Variants in RORA observed in about 807,000 individuals in gnomAD.
RORA encodes the protein RAR related orphan receptor A.
RORA carries 7 observed loss-of-function variants against 69.5 expected under a neutral mutation model. The observed-to-expected ratio is 0.10, with a 90% CI of 0.06 to 0.19. RORA has a LOEUF of 0.19. Among genes scored for constraint, RORA ranks in the 10% least tolerant of loss-of-function variants. The pLI, the probability that RORA is intolerant of heterozygous loss-of-function variation, is 1.00. For synonymous variants in RORA, 261 were observed against 240.8 expected, an observed-to-expected ratio of 1.08 and a Z score of -0.78; for missense variants, 457 against 663.0, an observed-to-expected ratio of 0.69 and a Z score of 3.41.
intron 2 of RORA, among the ~76,000 whole-genome samples, chr15:60,612,099 T>G (rs1227383949): frequency 1.3e-5 from 2 of 152,184 alleles, no homozygotes; most frequent in Non-Finnish European, 2.9e-5. Flanking sequence ...TTTTCTAATT[T>G]TTCCTTGGAT....
At chr15:61,170,648 G>A (rs1489486983) in intron 1 of RORA, among the ~76,000 whole-genome samples, 1 of 152,158 alleles carries the variant, frequency 6.6e-6, no homozygotes, top group Non-Finnish European at 1.5e-5. Flanking sequence ...AATATAAAAA[G>A]AGCATATATG....
rs980120918 is a variant in RORA at position 61,023,440 on chromosome 15, T to C, written c.166+205613A>G. Among the ~76,000 whole-genome samples, 9 of 152,266 alleles carry C rather than the reference T, an allele frequency of 5.9e-5. No homozygotes were observed. The South Asian group carries it at 6.2e-4, about 11-fold the overall frequency. ...ATCAGATCTCATGAGACTTATTCAC[T>C]ACCATGGCAATGGTATGGGGGAAAC... is the stretch of plus-strand genomic sequence containing the variant. On this transcript the variant is annotated intron_variant, in intron 1 of 10. Transcript: ENST00000335670.
intron 1 of RORA, among the ~76,000 whole-genome samples, chr15:60,776,601 C>A (rs2072170555): frequency 6.6e-6 from 1 of 152,166 alleles, no homozygotes; most frequent in Non-Finnish European, 1.5e-5. Flanking sequence ...GAGCGTAGAT[C>A]CTGCACTAAA....
intron 2 of RORA, among the ~76,000 whole-genome samples, chr15:60,548,518 A>G (rs1036260743): frequency 6.6e-6 from 1 of 152,232 alleles, no homozygotes; most frequent in Admixed American, 6.5e-5. Flanking sequence ...GTCAGCCAAC[A>G]ATTTCCAGGG....
intron 2 of RORA, among the ~76,000 whole-genome samples, chr15:60,591,974 C>A (rs990713467): frequency 2.6e-5 from 4 of 151,984 alleles, no homozygotes; most frequent in Non-Finnish European, 1.5e-5. Flanking sequence ...CCGACCTAGG[C>A]CGGAGCTGTC....
At chr15:60,823,776 A>G (rs2072923874) in intron 1 of RORA, among the ~76,000 whole-genome samples, 1 of 149,882 alleles carries the variant, frequency 6.7e-6, no homozygotes, top group African/African-American at 2.5e-5. Flanking sequence ...AAATAAATAA[A>G]TAAAAACAGC....
intron 1 of RORA, among the ~76,000 whole-genome samples, chr15:61,052,901 C>T (rs764340061): frequency 6.6e-6 from 1 of 152,170 alleles, no homozygotes; most frequent in East Asian, 1.9e-4. Context: ...CCTAGCTGTT[C>T]GCCGGTACAA....
At chr15:60,514,795 C>G in intron 3 of RORA, 38 bp from the exon 4 acceptor site, 1 of 1,573,330 alleles carries the variant, frequency 6.4e-7, no homozygotes. Flanking sequence ...AGGTTAGTGT[C>G]AGAATGAGTG....
chr15:61,227,370 A>T (rs1196779669), intron 1 of RORA, among the ~76,000 whole-genome samples: 1 of 152,148 alleles, frequency 6.6e-6, no homozygotes, highest in African/African-American at 2.4e-5. Context: ...TCACCGAGCT[A>T]GCGGCAGGTC....
In RORA at chr15:60,710,505, G is replaced by T. The variant is rs559247020; in HGVS notation, c.167-31819C>A. On this transcript the variant is annotated intron_variant, in intron 1 of 10. Transcript: ENST00000335670. ...CTCCATCTCAAAAAAATAAAAAACA[G>T]AATTAGTTATATTAAAAAATAGAAC... Among the ~76,000 whole-genome samples, 89 of 152,168 alleles carry T rather than the reference G, an allele frequency of 5.8e-4. No homozygotes were observed. The South Asian group carries it at 0.018, about 31-fold the overall frequency.
At chr15:61,201,961 T>A (rs756092576) in intron 1 of RORA, among the ~76,000 whole-genome samples, 1 of 152,070 alleles carries the variant, frequency 6.6e-6, no homozygotes, top group East Asian at 1.9e-4. Flanking sequence ...ATATGTAATA[T>A]GATATTTCTA....
intron 1 of RORA, among the ~76,000 whole-genome samples, chr15:61,044,751 A>T (rs1463442641): frequency 2.6e-5 from 4 of 152,184 alleles, no homozygotes; most frequent in Non-Finnish European, 5.9e-5. Context: ...TCCCAGCAGC[A>T]TGTGTATCAA....
In RORA at chr15:60,643,011, G is replaced by A. The variant is rs180880422; in HGVS notation, c.196+35646C>T. 1.8e-4 allele frequency among the ~76,000 whole-genome samples: 28 copies of A among 152,220 alleles called. No homozygotes were observed. The East Asian group carries it at 5.4e-3, about 29-fold the overall frequency. ...ACCTCTTTTAAAAACGCAAAAATTA[G>A]TTGGGCCTGGTGAAGTGCACCTGTA... On this transcript the variant is annotated intron_variant, in intron 2 of 10. Transcript: ENST00000335670.
chr15:60,997,061 G>A (rs1387483702), intron 1 of RORA, among the ~76,000 whole-genome samples: 1 of 151,964 alleles, frequency 6.6e-6, no homozygotes, highest in African/African-American at 2.4e-5. Context: ...GTGTGTGTGT[G>A]TGTGTTTGAT....
intron 1 of RORA, among the ~76,000 whole-genome samples, chr15:61,228,282 C>G (rs1475028089): frequency 6.6e-6 from 1 of 152,168 alleles, no homozygotes; most frequent in Non-Finnish European, 1.5e-5. Context: ...TGCGCGTTGG[C>G]GCGCACACGC....
In RORA at chr15:61,147,113, A is replaced by G. The variant is rs1012423441; in HGVS notation, c.166+81940T>C. ...CGGGCCAGACATCACAATAGGTTAGATTTTGGCAGATGCCTCATGCATTCT... is the reference window on the plus strand; with the variant it reads ...CGGGCCAGACATCACAATAGGTTAGGTTTTGGCAGATGCCTCATGCATTCT... On this transcript the variant is annotated intron_variant, in intron 1 of 10. Transcript: ENST00000335670. This position sits in a 1 kb window ranked among gnomAD's most constrained non-coding sequence, Gnocchi z 4.1. 6.6e-6 allele frequency among the ~76,000 whole-genome samples: 1 copy of G among 152,170 alleles called. No homozygotes were observed. Among genetic ancestry groups the G allele is most frequent in the African/African-American group, 2.4e-5 (1 of 41,432 alleles).
At chr15:60,840,234 A>C (rs1312781018) in intron 1 of RORA, among the ~76,000 whole-genome samples, 1 of 151,824 alleles carries the variant, frequency 6.6e-6, no homozygotes, top group African/African-American at 2.4e-5. Context: ...TCCACTTTTG[A>C]CTCGGAGGGC....
chr15:61,174,198 G>C (rs1475359862), intron 1 of RORA, among the ~76,000 whole-genome samples: 1 of 152,118 alleles, frequency 6.6e-6, no homozygotes, highest in African/African-American at 2.4e-5. Context: ...CTGGCTCAAA[G>C]GTCTCCTCTG....
intron 1 of RORA, among the ~76,000 whole-genome samples, chr15:60,721,665 A>G (rs1039911183): frequency 1.3e-5 from 2 of 152,270 alleles, no homozygotes; most frequent in Non-Finnish European, 2.9e-5. Flanking sequence ...TGGAAAACTT[A>G]TTTACACCTT....
Sources: gnomAD v4.1 joint callset for allele counts (sites outside exome capture counted in the v4.1 genomes callset) on GRCh38, gnomAD v4.1.1 for gene constraint, Gnocchi (gnomAD v3.1) non-coding constraint, MANE v1.5 for transcripts, NCBI Gene and HGNC (gene_info 2026-07-23, HGNC 2026-07-21) for gene names.